Variants in TGS1 observed in about 807,000 individuals in gnomAD.
TGS1 encodes the protein trimethylguanosine synthase.
A neutral mutation model predicts 92.2 loss-of-function variants in TGS1; 69 were observed. That is an observed-to-expected ratio of 0.75 (90% CI 0.62 to 0.91). The LOEUF (loss-of-function observed/expected upper bound fraction) is 0.91, where lower values mean the gene tolerates loss of function less well. Among genes scored for constraint, TGS1 ranks in the 40% least tolerant of loss-of-function variants. The pLI, the probability that TGS1 is intolerant of heterozygous loss-of-function variation, is 0.00. For missense variants in TGS1, 1,062 were observed against 1,001.2 expected (o/e 1.06, Z -0.82); for synonymous variants, 345 against 338.1 (o/e 1.02, Z -0.22).
intron 12 of TGS1, among the ~76,000 whole-genome samples, chr8:55,821,615 TG>T (rs1356372402): frequency 6.6e-6 from 1 of 152,164 alleles, no homozygotes; most frequent in Non-Finnish European, 1.5e-5. Flanking sequence ...GGTTCACGCC[TG>T]TAATCCCAGC....
At chr8:55,823,370 T>G (rs957670477) in intron 12 of TGS1, among the ~76,000 whole-genome samples, 1 of 152,248 alleles carries the variant, frequency 6.6e-6, no homozygotes, top group South Asian at 2.1e-4. Flanking sequence ...GTCATTTGGC[T>G]AGCATCCTTT....
At position 55,825,484 on chromosome 8, in the gene TGS1, T is replaced by G. The variant is rs1361418380; in HGVS notation, c.*781T>G. The stretch of plus-strand genomic sequence containing the variant: ...TTGCTTAATTATTCATCTAAAAAGT[T>G]TGTTCAGTCATTTTTACAAGTAGGC... On this transcript the variant is annotated 3_prime_UTR_variant, in exon 13 of 13. Coordinates refer to ENST00000260129, the MANE Select transcript of TGS1 (RefSeq NM_024831.8). 2 of 152,224 alleles carry G rather than the reference T, an allele frequency of 1.3e-5. No individual in the cohort carries two copies. The highest frequency in any genetic ancestry group is 6.5e-5 in the Admixed American group (1 of 15,276). 9.4% of individuals were successfully genotyped at this position (152,224 alleles called of 1,614,324 possible). A position where few individuals can be genotyped will look rare whatever the true frequency, so the allele number is the denominator to read the frequency against.
chr8:55,814,445 A>G lies in TGS1; in HGVS notation c.2439+1327A>G, dbSNP rs574324315. Among the ~76,000 whole-genome samples, 9 of 152,092 alleles carry G rather than the reference A, an allele frequency of 5.9e-5. No individual in the cohort carries two copies. In the East Asian group the frequency reaches 1.7e-3, roughly 29 times the overall value. On this transcript the variant is annotated intron_variant, in intron 12 of 12. Coordinates refer to ENST00000260129, the MANE Select transcript of TGS1 (RefSeq NM_024831.8). Reference sequence around the variant, plus strand: ...TCTTATTGTTAAGCAATGAAATTAGATCTTGCTGCCTTTCATCCGTTTATG... The same window carrying G: ...TCTTATTGTTAAGCAATGAAATTAGGTCTTGCTGCCTTTCATCCGTTTATG...
intron 12 of TGS1, among the ~76,000 whole-genome samples, chr8:55,816,027 C>T (rs1033657806): frequency 1.3e-5 from 2 of 152,052 alleles, no homozygotes; most frequent in African/African-American, 4.8e-5. Context: ...GATCATAGCT[C>T]ACTGCAACCT....
intron 12 of TGS1, among the ~76,000 whole-genome samples, chr8:55,814,275 A>G (rs1292971650): frequency 6.6e-6 from 1 of 152,062 alleles, no homozygotes; most frequent in Non-Finnish European, 1.5e-5. Context: ...AACTACTGAT[A>G]CTGTAATCCA....
chr8:55,774,115 A>G (rs76920922), intron 1 of TGS1, among the ~76,000 whole-genome samples: 1 of 152,212 alleles, frequency 6.6e-6, no homozygotes, highest in Non-Finnish European at 1.5e-5. Context: ...CTAAAAATCT[A>G]CTTAAGCCCA....
At chr8:55,810,827 A>G (rs1803317431) in intron 10 of TGS1, 54 bp from the exon 11 acceptor site, 2 of 1,388,874 alleles carry the variant, frequency 1.4e-6, no homozygotes, top group Non-Finnish European at 2.0e-6. Flanking sequence ...AAACTATCCT[A>G]TATAAGTAAT....
intron 8 of TGS1, 143 bp from the exon 9 acceptor site, chr8:55,802,314 C>T (rs529874526): frequency 6.3e-6 from 4 of 633,648 alleles, no homozygotes; most frequent in Admixed American, 2.9e-5. Context: ...GCGTTTCCAT[C>T]AGGCTCTCCT....
intron 12 of TGS1, among the ~76,000 whole-genome samples, chr8:55,819,852 ATTAG>A (rs1803584925): frequency 6.6e-6 from 1 of 152,162 alleles, no homozygotes; most frequent in Admixed American, 6.6e-5. Context: ...TCATGTGGTT[ATTAG>A]TTGGATCTAG....
At position 55,824,574 on chromosome 8, in the gene TGS1, T is replaced by C. The variant is rs759193360; in HGVS notation, c.2440-7T>C. 1.2e-6 allele frequency: 2 copies of C among 1,614,118 alleles called. No individual in the cohort carries two copies. Among genetic ancestry groups the C allele is most frequent in the Non-Finnish European group, 1.7e-6 (2 of 1,179,978 alleles). On this transcript the variant is annotated splice_polypyrimidine_tract_variant and splice_region_variant and intron_variant, in intron 12 of 12. Transcript: ENST00000260129. ...TGTGTGTGACTTTCTTCTGTTCATC[T>C]TTTTAGGTGGCATCCTTAGCTGGGC...
chr8:55,790,746 T>C (rs1247412299), intron 5 of TGS1, among the ~76,000 whole-genome samples: 1 of 152,158 alleles, frequency 6.6e-6, no homozygotes, highest in Non-Finnish European at 1.5e-5. Context: ...CTCAAACTTC[T>C]GGCCTCAAGC....
chr8:55,787,727 T>A (rs1811758908), intron 4 of TGS1, among the ~76,000 whole-genome samples: 1 of 152,236 alleles, frequency 6.6e-6, no homozygotes, highest in African/African-American at 2.4e-5. Flanking sequence ...AAGGAATACC[T>A]GAGACTGAGG....
At position 55,790,945 on chromosome 8, in the gene TGS1, A is replaced by G. The variant is rs62515253; in HGVS notation, c.1280+646A>G. 2.7e-5 allele frequency among the ~76,000 whole-genome samples: 4 copies of G among 148,146 alleles called. No individual in the cohort carries two copies. The Admixed American group carries it at 2.7e-4, about 10-fold the overall frequency. ...AGCTATCAATGGATCATAACTTTTA[A>G]CTAATAATTAAATTCATATCTTCTC... is the stretch of plus-strand genomic sequence containing the variant. On this transcript the variant is annotated intron_variant, in intron 5 of 12. Transcript: ENST00000260129.
chr8:55,776,099 T>G (rs1811388492), intron 1 of TGS1, among the ~76,000 whole-genome samples: 2 of 152,106 alleles, frequency 1.3e-5, no homozygotes, highest in South Asian at 4.1e-4. Context: ...GCAAGACTCC[T>G]GTCTCAAGAG....
At chr8:55,803,128 GGGGT>G (rs911892788) in intron 9 of TGS1, among the ~76,000 whole-genome samples, 5 of 144,236 alleles carry the variant, frequency 3.5e-5, no homozygotes, top group East Asian at 2.0e-4. Context: ...TCAATTTGGG[GGGGT>G]GTGTGTGTGT....
At position 55,811,098 on chromosome 8, in the gene TGS1, A is replaced by G; in HGVS notation, c.2360+1A>G. ...TTAGAACAATGATGTCTCCTGATGG[A>G]TATCCTTTGGAAGTCTTAAGAGTTT... On this transcript the variant is annotated splice_donor_variant, in intron 11 of 12. Coordinates refer to ENST00000260129, the MANE Select transcript of TGS1 (RefSeq NM_024831.8). LOFTEE classifies it high-confidence loss of function. 1.3e-6 allele frequency: 2 copies of G among 1,535,692 alleles called. No homozygotes were observed. Among genetic ancestry groups the G allele is most frequent in the Non-Finnish European group, 1.8e-6 (2 of 1,130,320 alleles).
At chr8:55,784,113 A>T (rs1442901645) in intron 2 of TGS1, among the ~76,000 whole-genome samples, 1 of 152,182 alleles carries the variant, frequency 6.6e-6, no homozygotes, top group African/African-American at 2.4e-5. Context: ...GTTGCCTGAG[A>T]CCATCAAGCT....
At chr8:55,818,799 C>T (rs1803553156) in intron 12 of TGS1, among the ~76,000 whole-genome samples, 1 of 152,232 alleles carries the variant, frequency 6.6e-6, no homozygotes, top group Non-Finnish European at 1.5e-5. Context: ...TTCTGGGCCA[C>T]ACATAGTGCT....
chr8:55,798,855 G>C (rs1427459267), intron 7 of TGS1, 59 bp from the exon 8 acceptor site: 4 of 1,357,010 alleles, frequency 2.9e-6, no homozygotes, highest in Non-Finnish European at 4.0e-6. Context: ...GTAATAGGTA[G>C]GAAGATTCTG....
Sources: allele counts gnomAD v4.1 joint callset (sites outside exome capture counted in the v4.1 genomes callset), GRCh38; gene constraint gnomAD v4.1.1; transcripts MANE v1.5; gene names NCBI Gene and HGNC (gene_info 2026-07-23, HGNC 2026-07-21).